Variants in PRSS55 observed in about 807,000 individuals in gnomAD.
PRSS55 encodes the protein serine protease 55.
PRSS55 carries 41 observed loss-of-function variants against 23.6 expected under a neutral mutation model. The ratio of observed to expected loss-of-function variants is 1.74; its 90% CI spans 1.35 to 2.26. The LOEUF (loss-of-function observed/expected upper bound fraction) is 2.26. Ranked by LOEUF, PRSS55 falls within the 30% of genes most tolerant of loss-of-function variation. The pLI is 0.00. For synonymous variants in PRSS55, 262 were observed against 175.5 expected (o/e 1.49, Z -3.90); for missense variants, 669 against 439.1 (o/e 1.52, Z -4.68).
chr8:10,550,831 C>CGT (rs1271130186), intron 4 of PRSS55, among the ~76,000 whole-genome samples: 1 of 152,160 alleles, frequency 6.6e-6, no homozygotes. Flanking sequence ...TGTGTGTGCA[C>CGT]GTGTGTGTGC....
At chr8:10,544,746 G>C (rs1812771243) in intron 4 of PRSS55, among the ~76,000 whole-genome samples, 3 of 152,172 alleles carry the variant, frequency 2.0e-5, no homozygotes, top group Non-Finnish European at 2.9e-5. Flanking sequence ...TTCTGGTTTA[G>C]ACTAACTTAT....
At chr8:10,543,423 T>TCTTCCTTCCTTCCTTCCTTC (rs71203335), downstream of PRSS55, among the ~76,000 whole-genome samples, 3,242 of 71,466 alleles carry the variant, frequency 0.045, 152 homozygotes, top group East Asian at 0.12. Flanking sequence ...CTTCTTTCTT[T>TCTTCCTTCCTTCCTTCCTTC]CTTCCTTCCT....
intron 3 of PRSS55, 50 bp downstream of exon 3, chr8:10,531,595 G>C (rs1438144945): frequency 1.3e-6 from 2 of 1,599,274 alleles, no homozygotes; most frequent in Non-Finnish European, 1.7e-6. Context: ...GCAATGTGAA[G>C]GAGAGGGGAG....
At chr8:10,526,644 T>G (rs545247280) in intron 1 of PRSS55, among the ~76,000 whole-genome samples, 2 of 152,322 alleles carry the variant, frequency 1.3e-5, no homozygotes, top group South Asian at 4.1e-4. Context: ...TCAACACGAT[T>G]CCATACAGAT....
chr8:10,537,585 T>C (rs1308723524), intron 4 of PRSS55, among the ~76,000 whole-genome samples: 3 of 152,092 alleles, frequency 2.0e-5, no homozygotes, highest in Non-Finnish European at 4.4e-5. Flanking sequence ...CAAAATTAAC[T>C]GGAAGAGTGG....
Position 10,538,526 on chromosome 8 carries a change from G to C in PRSS55, c.792G>C (p.Trp264Cys). 6.2e-7 allele frequency: 1 copy of C among 1,614,102 alleles called. No homozygotes were observed. Among genetic ancestry groups the C allele is most frequent in the Admixed American group, 1.7e-5 (1 of 60,018 alleles). The change falls in exon 5 of 5, where the codon TGG becomes TGC. Residue 264 changes from tryptophan (W) to cysteine (C), a missense_variant. Coordinates refer to ENST00000328655, the MANE Select transcript of PRSS55 (RefSeq NM_198464.4). ...GCACCCCAGAGCCTGGTGAGAAGTG[G>C]TACCAGGTGGGCATCATAAGCTGGG... Reference protein sequence around the residue: ...LVCTPEPGEKWYQVGIISWGK... With the variant: ...LVCTPEPGEKCYQVGIISWGK...
chr8:10,532,383 G>GGT (rs1357531027), intron 3 of PRSS55, among the ~76,000 whole-genome samples: 1 of 152,148 alleles, frequency 6.6e-6, no homozygotes, highest in Non-Finnish European at 1.5e-5. Flanking sequence ...GAGGAATTCA[G>GGT]GTGAATTCCC....
At chr8:10,533,343 T>C (rs528949451) in intron 4 of PRSS55, among the ~76,000 whole-genome samples, 2 of 152,326 alleles carry the variant, frequency 1.3e-5, no homozygotes, top group South Asian at 4.1e-4. Flanking sequence ...TTTTTAAAAA[T>C]CCAAGGAGGA....
At chr8:10,542,348 G>T (rs1174554392), downstream of PRSS55, among the ~76,000 whole-genome samples, 7 of 146,674 alleles carry the variant, frequency 4.8e-5, no homozygotes, top group Non-Finnish European at 1.0e-4. Flanking sequence ...TGCTGCTAAG[G>T]TGTTTAAACT....
Position 10,538,652 on chromosome 8 carries a change from C to T in PRSS55, c.918C>T (p.Phe306=). The stretch of plus-strand genomic sequence containing the variant: ...TGACCCAGCTAGAGGGCAGGCCCTT[C>T]AATGCAGAGAAAAGGAGGACTTCTG... ...EKVTQLEGRP[F]NAEKRRTSVK... Residue 306 remains phenylalanine (F), a synonymous_variant, in exon 5 of 5, where the codon TTC becomes TTT. Transcript: ENST00000328655. The T allele has an allele frequency of 1.9e-6, 3 of 1,614,178 alleles. No individual in the cohort carries two copies. The highest frequency in any genetic ancestry group is 1.3e-5 in the African/African-American group (1 of 75,046).
At position 10,531,517 on chromosome 8, in the gene PRSS55, G is replaced by T. The variant is rs567962166; in HGVS notation, c.570G>T (p.Trp190Cys). Residue 190 changes from tryptophan to cysteine, a missense_variant, in exon 3 of 5, where the codon TGG (tryptophan) becomes TGT (cysteine). By Grantham distance (215) the Trp-to-Cys change is radical. Transcript: ENST00000328655. ...QPGPATWREC[W>C]VAGWGQTNAA... ...GCCCTGCCACATGGCGCGAATGCTG[G>T]GTGGCAGGTTGGGGCCAGACCAATG... 16 of 1,613,810 alleles carry T rather than the reference G, an allele frequency of 9.9e-6. No homozygotes were observed. The South Asian group carries it at 1.8e-4, about 18-fold the overall frequency.
intron 4 of PRSS55, chr8:10,545,033 G>A (rs1585892906): frequency 1.0e-6 from 1 of 984,940 alleles, no homozygotes; most frequent in Non-Finnish European, 1.2e-6. Context: ...ATGGTGGCCT[G>A]CACCTGTGCT....
intron 1 of PRSS55, among the ~76,000 whole-genome samples, chr8:10,529,157 C>T (rs1812150226): frequency 6.6e-6 from 1 of 152,190 alleles, no homozygotes; most frequent in Non-Finnish European, 1.5e-5. Flanking sequence ...GGGCTATTGT[C>T]CTGCCCACCA....
chr8:10,534,160 G>T (rs1264820386), intron 4 of PRSS55, among the ~76,000 whole-genome samples: 2 of 152,102 alleles, frequency 1.3e-5, no homozygotes, highest in East Asian at 3.9e-4. Flanking sequence ...ACAGAATTGA[G>T]ACTTCTGGTT....
At chr8:10,540,147 C>T (rs892312637), downstream of PRSS55, 8 of 152,330 alleles carry the variant, frequency 5.3e-5, no homozygotes, top group African/African-American at 1.9e-4. Flanking sequence ...GCCGCTCGCA[C>T]CAGGCAGGAC....
chr8:10,538,834 A>G (rs761295565), downstream of PRSS55: 2 of 1,508,350 alleles, frequency 1.3e-6, no homozygotes, highest in Non-Finnish European at 1.8e-6. Context: ...GGGAGGGTGC[A>G]TGCAAGTGCG....
intron 4 of PRSS55, among the ~76,000 whole-genome samples, chr8:10,533,373 G>T (rs1424017340): frequency 6.6e-6 from 1 of 152,148 alleles, no homozygotes; most frequent in East Asian, 1.9e-4. Context: ...TATATAAGAA[G>T]TCATTTTAGT....
In PRSS55 at chr8:10,538,793, A is replaced by G; in HGVS notation, c.1059A>G (p.Ter353TrpextTer1). The G allele has an allele frequency of 6.5e-7, 1 of 1,547,124 alleles. No individual in the cohort carries two copies. The highest frequency in any genetic ancestry group is 2.3e-5 in the East Asian group (1 of 44,262). ...SHVLFRAILY[*>W] The stretch of plus-strand genomic sequence containing the variant: ...TGTTGTTCAGAGCTATTTTGTACTG[A>G]TAATAAAATAGAGGCTATTCTTTCA... The change falls in exon 5 of 5, where the codon TGA (stop) becomes TGG (tryptophan). Residue 353 changes from the stop codon to tryptophan (W), a stop_lost. Coordinates refer to ENST00000328655, the MANE Select transcript of PRSS55 (RefSeq NM_198464.4).
At chr8:10,552,705 A>T (rs962595491) in intron 4 of PRSS55, among the ~76,000 whole-genome samples, 4 of 152,266 alleles carry the variant, frequency 2.6e-5, no homozygotes, top group Non-Finnish European at 4.4e-5. Context: ...ATGCAAATTA[A>T]TACCACAAAG....
Sources: gnomAD v4.1 joint callset for allele counts (sites outside exome capture counted in the v4.1 genomes callset) on GRCh38, gnomAD v4.1.1 for gene constraint, MANE v1.5 for transcripts, NCBI Gene and HGNC (gene_info 2026-07-23, HGNC 2026-07-21) for gene names.